Variants in RHOH observed in about 807,000 individuals in gnomAD.
RHOH encodes rho-related GTP-binding protein RhoH.
In RHOH, 6 loss-of-function variants were observed where a neutral mutation model predicts 13.8. The observed-to-expected ratio is 0.44, with a 90% CI of 0.24 to 0.86. The LOEUF is 0.86. RHOH is among the 40% of genes least tolerant of loss of function. RHOH has a pLI of 0.24. For missense variants in RHOH, 147 were observed against 244.5 expected, an observed-to-expected ratio of 0.60 and a Z score of 2.66; for synonymous variants, 117 against 103.0, an observed-to-expected ratio of 1.14 and a Z score of -0.82.
In RHOH at chr4:40,199,655, A is replaced by G. The variant is rs372587412; in HGVS notation, c.-331+2355A>G. Among the ~76,000 whole-genome samples, 46 of 152,236 alleles carry G rather than the reference A, an allele frequency of 3.0e-4. No homozygotes were observed. In the East Asian group the frequency reaches 5.6e-3, roughly 18 times the overall value. ...GAGGTGCTTTTCATTAGAGGCAGAG[A>G]GCATGACCTTTCTTCCTTGCCCAGT... On this transcript the variant is annotated intron_variant, in intron 1 of 2. Coordinates refer to ENST00000381799, the MANE Select transcript of RHOH (RefSeq NM_004310.5).
At chr4:40,238,940 G>A (rs150586845) in intron 1 of RHOH, among the ~76,000 whole-genome samples, 8 of 152,188 alleles carry the variant, frequency 5.3e-5, no homozygotes, top group Middle Eastern at 3.4e-3. Context: ...GATGTAACCC[G>A]CGGCAGCTCA....
intron 1 of RHOH, among the ~76,000 whole-genome samples, chr4:40,217,002 A>G (rs541411757): frequency 6.6e-6 from 1 of 152,352 alleles, no homozygotes; most frequent in South Asian, 2.1e-4. Context: ...TCTCCTAGAA[A>G]TCTTTCTAGC....
intron 1 of RHOH, among the ~76,000 whole-genome samples, chr4:40,236,510 G>C (rs1728584927): frequency 1.3e-5 from 2 of 152,028 alleles, no homozygotes; most frequent in Non-Finnish European, 2.9e-5. Flanking sequence ...TAACTTACCG[G>C]CTGGCTGCGG....
At chr4:40,240,066 G>C (rs1729065614) in intron 1 of RHOH, 1 of 152,286 alleles carries the variant, frequency 6.6e-6, no homozygotes, top group Non-Finnish European at 1.5e-5. Flanking sequence ...TTCAATGCCA[G>C]GTCCACCTGA....
At chr4:40,240,649 T>C (rs1439839446) in intron 1 of RHOH, among the ~76,000 whole-genome samples, 2 of 152,044 alleles carry the variant, frequency 1.3e-5, no homozygotes, top group Non-Finnish European at 2.9e-5. Context: ...TGATAGTGCA[T>C]GCCTGTAGTC....
chr4:40,206,327 T>C (rs899001678), intron 1 of RHOH, among the ~76,000 whole-genome samples: 2 of 152,204 alleles, frequency 1.3e-5, no homozygotes, highest in Non-Finnish European at 2.9e-5. Flanking sequence ...CATTTTTTTT[T>C]CTCAGTTGCC....
intron 1 of RHOH, among the ~76,000 whole-genome samples, chr4:40,200,937 A>G (rs986989673): frequency 2.0e-5 from 3 of 152,252 alleles, no homozygotes; most frequent in African/African-American, 7.2e-5. Flanking sequence ...TGAATGTTCA[A>G]GTGCTTCTTA....
In RHOH at chr4:40,212,575, C is replaced by G. The variant is rs1725393157; in HGVS notation, c.-331+15275C>G. 3 of 152,116 alleles carry G rather than the reference C, an allele frequency of 2.0e-5. No individual in the cohort carries two copies. The South Asian group carries it at 6.2e-4, about 32-fold the overall frequency. 9.4% of individuals were successfully genotyped at this position (152,116 alleles called of 1,614,324 possible). A position where few individuals can be genotyped will look rare whatever the true frequency, so the allele number is the denominator to read the frequency against. ...ATTTTTTAAAAAACTTCCTTCTCCT[C>G]CAATCAAAACTGGCTTTGAGGAAAG... On this transcript the variant is annotated intron_variant, in intron 1 of 2. Coordinates refer to ENST00000381799, the MANE Select transcript of RHOH (RefSeq NM_004310.5).
intron 1 of RHOH, among the ~76,000 whole-genome samples, chr4:40,241,945 A>G (rs547436607): frequency 2.2e-4 from 34 of 152,362 alleles, no homozygotes; most frequent in African/African-American, 7.9e-4. Flanking sequence ...GGATTTAGAG[A>G]AGTGACTTAA....
At position 40,205,837 on chromosome 4, in the gene RHOH, G is replaced by A. The variant is rs555845880; in HGVS notation, c.-331+8537G>A. 2.6e-5 allele frequency: 4 copies of A among 152,284 alleles called. No homozygotes were observed. In the South Asian group the frequency reaches 8.3e-4, roughly 32 times the overall value. The allele number at this position is 152,284 out of a possible 1,614,324, so 9.4% of individuals were successfully genotyped here. On this transcript the variant is annotated intron_variant, in intron 1 of 2. Transcript: ENST00000381799. ...GTGAAATTGACTAAATACATGGTGA[G>A]TCAAGGTTCTCTTGGTGTGGGATAG...
rs1729658519 is a variant in RHOH, at chr4:40,244,782, C to T, written c.*820C>T. 5.6e-6 allele frequency: 1 copy of T among 177,684 alleles called. No individual in the cohort carries two copies. Among genetic ancestry groups the T allele is most frequent in the Non-Finnish European group, 1.2e-5 (1 of 82,588 alleles). 11.0% of individuals were successfully genotyped at this position (177,684 alleles called of 1,614,324 possible). ...ACTGCTCCAAGCAATGGCAACAGAA[C>T]TTGGAACAGAAGCAAGAGAGTGTCA... On this transcript the variant is annotated 3_prime_UTR_variant, in exon 3 of 3. Transcript: ENST00000381799.
intron 1 of RHOH, among the ~76,000 whole-genome samples, chr4:40,238,527 C>G (rs1489051829): frequency 2.0e-5 from 3 of 152,216 alleles, no homozygotes; most frequent in African/African-American, 7.2e-5. Flanking sequence ...AAGGGCCCAA[C>G]TCTGTTGCTT....
chr4:40,213,819 A>G (rs1403550974), intron 1 of RHOH, among the ~76,000 whole-genome samples: 1 of 152,084 alleles, frequency 6.6e-6, no homozygotes, highest in Non-Finnish European at 1.5e-5. Context: ...GTGCAGTGGC[A>G]TGATCCCCAG....
intron 1 of RHOH, among the ~76,000 whole-genome samples, chr4:40,236,633 A>T (rs892492900): frequency 3.6e-5 from 2 of 55,554 alleles, no homozygotes; most frequent in African/African-American, 6.9e-5. Context: ...AACTAAAAAA[A>T]TACAAAAATT....
At chr4:40,191,428 G>C (rs1456462450), upstream of RHOH, 1 of 152,160 alleles carries the variant, frequency 6.6e-6, no homozygotes, top group Non-Finnish European at 1.5e-5. Context: ...TTATTAAGCT[G>C]TCTCTCAAGG....
chr4:40,199,438 A>G (rs373043023), intron 1 of RHOH, among the ~76,000 whole-genome samples: 1 of 152,330 alleles, frequency 6.6e-6, no homozygotes, highest in African/African-American at 2.4e-5. Flanking sequence ...TGGACAAGGC[A>G]CAGGGGTTGG....
intron 1 of RHOH, among the ~76,000 whole-genome samples, chr4:40,237,640 G>A (rs1728746453): frequency 6.6e-6 from 1 of 151,952 alleles, no homozygotes; most frequent in South Asian, 2.1e-4. Context: ...CCATTTAATT[G>A]TGTTAGATTC....
intron 1 of RHOH, among the ~76,000 whole-genome samples, chr4:40,229,995 A>G (rs1727711110): frequency 6.6e-6 from 1 of 152,186 alleles, no homozygotes; most frequent in Non-Finnish European, 1.5e-5. Flanking sequence ...AATGTCATCT[A>G]ATACCCAGGC....
chr4:40,196,430 A>G (rs1723139597), upstream of RHOH, among the ~76,000 whole-genome samples: 1 of 152,186 alleles, frequency 6.6e-6, no homozygotes, highest in Non-Finnish European at 1.5e-5. Flanking sequence ...CAAATAATGA[A>G]ACTCTGAGGA....
Sources: gnomAD v4.1 joint callset for allele counts (sites outside exome capture counted in the v4.1 genomes callset) on GRCh38, gnomAD v4.1.1 for gene constraint, MANE v1.5 for transcripts, NCBI Gene and HGNC (gene_info 2026-07-23, HGNC 2026-07-21) for gene names.